MOGAT1: variants seen among roughly 807,000 people sequenced by gnomAD.
MOGAT1 encodes the protein monoacylglycerol O-acyltransferase 1.
In MOGAT1, 32 loss-of-function variants were observed where a neutral mutation model predicts 31.4. That is an observed-to-expected ratio of 1.02 (90% CI 0.77 to 1.37). The LOEUF (loss-of-function observed/expected upper bound fraction) is 1.37, where lower values mean the gene tolerates loss of function less well. MOGAT1 is among the 40% of genes most tolerant of loss of function. MOGAT1 has a pLI of 0.00. For synonymous variants in MOGAT1, 145 were observed against 144.5 expected (o/e 1.00, Z -0.03); for missense variants, 426 against 402.0 (o/e 1.06, Z -0.51).
intron 1 of MOGAT1, among the ~76,000 whole-genome samples, 196 bp from the exon 2 acceptor site, chr2:222,688,148 T>A (rs781079643): frequency 4.6e-5 from 7 of 152,194 alleles, no homozygotes; most frequent in Non-Finnish European, 8.8e-5. Flanking sequence ...GCAGGGTCCA[T>A]AACACGATGC....
At chr2:222,707,491 A>G (rs1183050695) in intron 5 of MOGAT1, among the ~76,000 whole-genome samples, 1 of 152,134 alleles carries the variant, frequency 6.6e-6, no homozygotes, top group African/African-American at 2.4e-5. Context: ...TCACCTGCTC[A>G]GGGCACTTAC....
intron 5 of MOGAT1, 42 bp downstream of exon 5, chr2:222,695,330 CA>C (rs754922118): frequency 1.5e-6 from 2 of 1,368,392 alleles, no homozygotes; most frequent in Admixed American, 4.6e-5. Context: ...TTACTTTAAG[CA>C]ATGTTTCTTG....
chr2:222,683,443 A>AAG (rs1692615940), intron 1 of MOGAT1, among the ~76,000 whole-genome samples: 1 of 151,098 alleles, frequency 6.6e-6, no homozygotes. Flanking sequence ...AAAAAAAAAA[A>AAG]AGGACCAGGC....
chr2:222,705,131 C>T lies in MOGAT1; in HGVS notation c.854-4605C>T, dbSNP rs533524562. ...TTAGACCATAGAGGGTAACTTCTGA[C>T]GTTGCCATGGCATTTGTAAACTGCC... On this transcript the variant is annotated intron_variant, in intron 5 of 5. Transcript: ENST00000446656. 2.6e-5 allele frequency among the ~76,000 whole-genome samples: 4 copies of T among 152,296 alleles called. No homozygotes were observed. The South Asian group carries it at 8.3e-4, about 32-fold the overall frequency.
intron 5 of MOGAT1, among the ~76,000 whole-genome samples, chr2:222,695,871 A>C (rs1004027713): frequency 6.6e-6 from 1 of 152,146 alleles, no homozygotes; most frequent in African/African-American, 2.4e-5. Flanking sequence ...TCACTGGAGC[A>C]GTGTATACTC....
At chr2:222,683,552 AC>A (rs1692618387) in intron 1 of MOGAT1, among the ~76,000 whole-genome samples, 1 of 151,148 alleles carries the variant, frequency 6.6e-6, no homozygotes, top group South Asian at 2.1e-4. Context: ...ACATGGCGAA[AC>A]CCCGCCTCTA....
At chr2:222,693,593 G>T (rs1574974529) in intron 3 of MOGAT1, among the ~76,000 whole-genome samples, 1 of 151,928 alleles carries the variant, frequency 6.6e-6, no homozygotes, top group Admixed American at 6.6e-5. Context: ...ATGGTGGAAG[G>T]CAAGGAGAAG....
intron 5 of MOGAT1, among the ~76,000 whole-genome samples, chr2:222,696,230 G>A (rs1262535967): frequency 1.3e-5 from 2 of 152,198 alleles, no homozygotes; most frequent in African/African-American, 4.8e-5. Context: ...ATAAACATGT[G>A]TGTGCAAGTA....
intron 5 of MOGAT1, among the ~76,000 whole-genome samples, chr2:222,706,745 A>C (rs778489678): frequency 4.6e-5 from 7 of 152,328 alleles, no homozygotes; most frequent in Middle Eastern, 3.4e-3. Context: ...CACTGGAATA[A>C]TTTCACTAAG....
intron 1 of MOGAT1, among the ~76,000 whole-genome samples, chr2:222,684,210 C>G (rs1444756329): frequency 6.6e-6 from 1 of 152,056 alleles, no homozygotes; most frequent in Non-Finnish European, 1.5e-5. Flanking sequence ...TCAAGACCAG[C>G]CTGGCCATCA....
intron 1 of MOGAT1, among the ~76,000 whole-genome samples, chr2:222,686,473 C>T (rs1692671055): frequency 6.6e-6 from 1 of 152,194 alleles, no homozygotes; most frequent in Non-Finnish European, 1.5e-5. Flanking sequence ...CACATGTTTC[C>T]TGTCATTTTT....
intron 1 of MOGAT1, among the ~76,000 whole-genome samples, chr2:222,680,496 G>A (rs930061394): frequency 6.6e-6 from 1 of 152,174 alleles, no homozygotes; most frequent in African/African-American, 2.4e-5. Flanking sequence ...GCAAAATTCT[G>A]CAAAGGGGTC....
intron 5 of MOGAT1, 113 bp downstream of exon 5, chr2:222,695,401 T>C: frequency 1.6e-6 from 1 of 615,032 alleles, no homozygotes; most frequent in Non-Finnish European, 2.7e-6. Flanking sequence ...CCTGAAACAA[T>C]AATCCTGTAG....
At chr2:222,704,352 CG>C (rs1474001014) in intron 5 of MOGAT1, among the ~76,000 whole-genome samples, 1 of 152,102 alleles carries the variant, frequency 6.6e-6, no homozygotes, top group East Asian at 1.9e-4. Flanking sequence ...CGGCCAGGCG[CG>C]GTGGCTCACG....
At chr2:222,677,928 C>A in intron 1 of MOGAT1, 1 of 273,684 alleles carries the variant, frequency 3.7e-6, no homozygotes, top group Non-Finnish European at 7.6e-6. Flanking sequence ...TCATTGGAAA[C>A]TCATCATAAT....
At chr2:222,675,942 C>G (rs574553102) in intron 1 of MOGAT1, among the ~76,000 whole-genome samples, 9 of 152,098 alleles carry the variant, frequency 5.9e-5, no homozygotes, top group African/African-American at 2.2e-4. Flanking sequence ...CCAGTGGTGA[C>G]GAGAGATGTT....
intron 3 of MOGAT1, among the ~76,000 whole-genome samples, chr2:222,693,392 A>G (rs1403202208): frequency 1.3e-5 from 2 of 151,464 alleles, no homozygotes; most frequent in East Asian, 1.9e-4. Context: ...AAGTCAGACT[A>G]TACTTATTGG....
rs186738096 is a variant in MOGAT1 at position 222,707,256 on chromosome 2, A to G, written c.854-2480A>G. Among the ~76,000 whole-genome samples the G allele has an allele frequency of 5.9e-3, 882 of 150,648 alleles. 35 individuals are homozygous for G. Among genetic ancestry groups the G allele is most frequent in the East Asian group, 1.4e-3 (7 of 5,138 alleles). On this transcript the variant is annotated intron_variant, in intron 5 of 5. Transcript: ENST00000446656. Reference sequence around the variant, plus strand: ...GAAGGAAGGGAGGGGAAAGAAAGAGAAAGAAAGAGAGAGAGAAAGAAGGAG... The same window carrying G: ...GAAGGAAGGGAGGGGAAAGAAAGAGGAAGAAAGAGAGAGAGAAAGAAGGAG...
At chr2:222,686,980 G>T (rs1692679948) in intron 1 of MOGAT1, among the ~76,000 whole-genome samples, 1 of 151,584 alleles carries the variant, frequency 6.6e-6, no homozygotes, top group Non-Finnish European at 1.5e-5. Context: ...TGGGCGTGGT[G>T]GTGCGCGCCT....
Sources: gnomAD v4.1 joint callset for allele counts (sites outside exome capture counted in the v4.1 genomes callset) on GRCh38, gnomAD v4.1.1 for gene constraint, MANE v1.5 for transcripts, NCBI Gene and HGNC (gene_info 2026-07-23, HGNC 2026-07-21) for gene names.